CNTNAP2: variants seen among roughly 807,000 people sequenced by gnomAD.
The protein encoded by CNTNAP2 is contactin-associated protein-like 2.
CNTNAP2 carries 98 observed loss-of-function variants against 155.2 expected under a neutral mutation model. The observed-to-expected ratio is 0.63, with a 90% CI of 0.54 to 0.75. The LOEUF (loss-of-function observed/expected upper bound fraction) is 0.75, where lower values mean the gene tolerates loss of function less well. Ranked by LOEUF, CNTNAP2 falls within the 30% of genes least tolerant of loss-of-function variation. CNTNAP2 has a pLI of 0.00. For synonymous variants in CNTNAP2, 651 were observed against 631.2 expected (o/e 1.03, Z -0.47); for missense variants, 1,727 against 1,688.1 (o/e 1.02, Z -0.40).
intron 13 of CNTNAP2, among the ~76,000 whole-genome samples, chr7:147,714,988 C>T (rs143085178): frequency 0.017 from 2,517 of 152,142 alleles, 223 homozygotes; most frequent in Admixed American, 0.15. Context: ...TTGAGGTTCA[C>T]GCAAGATGTT....
chr7:147,048,332 G>C (rs1003187163), intron 4 of CNTNAP2, among the ~76,000 whole-genome samples: 1 of 151,914 alleles, frequency 6.6e-6, no homozygotes, highest in South Asian at 2.1e-4. Flanking sequence ...GTGATATGGC[G>C]ATAAGCCAAG....
chr7:146,388,132 T>C (rs1795487035), intron 1 of CNTNAP2, among the ~76,000 whole-genome samples: 1 of 151,806 alleles, frequency 6.6e-6, no homozygotes, highest in African/African-American at 2.4e-5. Context: ...ATATTTTTTC[T>C]TCTCGGGAAT....
chr7:147,912,628 A>G (rs1800086514), intron 14 of CNTNAP2, among the ~76,000 whole-genome samples: 3 of 152,214 alleles, frequency 2.0e-5, no homozygotes, highest in African/African-American at 7.2e-5. Flanking sequence ...AAATCCAGGC[A>G]GGAGCCCAGC....
intron 8 of CNTNAP2, among the ~76,000 whole-genome samples, chr7:147,194,271 T>C (rs1802739030): frequency 6.6e-6 from 1 of 152,200 alleles, no homozygotes; most frequent in Non-Finnish European, 1.5e-5. Flanking sequence ...TCATTCCTTT[T>C]TATGGCCGCC....
intron 8 of CNTNAP2, among the ~76,000 whole-genome samples, chr7:147,268,018 C>T (rs372943618): frequency 6.6e-6 from 1 of 152,130 alleles, no homozygotes; most frequent in East Asian, 1.9e-4. Context: ...TTTCACTTTT[C>T]CCTGAAATCT....
chr7:148,030,386 T>C (rs1802454719), intron 15 of CNTNAP2, among the ~76,000 whole-genome samples: 1 of 152,240 alleles, frequency 6.6e-6, no homozygotes. Flanking sequence ...TATGCCATTA[T>C]ATTTTTTCTT....
intron 1 of CNTNAP2, among the ~76,000 whole-genome samples, chr7:146,391,204 C>T (rs185566776): frequency 2.0e-5 from 3 of 150,578 alleles, no homozygotes; most frequent in East Asian, 3.9e-4. Flanking sequence ...AAATGTGATG[C>T]CTGCTTCTTG....
intron 8 of CNTNAP2, among the ~76,000 whole-genome samples, chr7:147,228,744 T>C (rs1391014529): frequency 6.6e-6 from 1 of 152,066 alleles, no homozygotes; most frequent in Non-Finnish European, 1.5e-5. Flanking sequence ...GCCATGGTGG[T>C]TTGCTGCACC....
intron 18 of CNTNAP2, among the ~76,000 whole-genome samples, chr7:148,204,738 C>T (rs1036705205): frequency 1.3e-5 from 2 of 152,174 alleles, no homozygotes; most frequent in African/African-American, 4.8e-5. Context: ...AAGCAAATCG[C>T]TTTGTGGGTT....
chr7:148,404,170 G>A (rs1264628691), intron 22 of CNTNAP2, among the ~76,000 whole-genome samples: 1 of 152,212 alleles, frequency 6.6e-6, no homozygotes, highest in Non-Finnish European at 1.5e-5. Context: ...AATTATGCCA[G>A]CCAATGAACA....
At chr7:146,607,877 G>A (rs566017733) in intron 1 of CNTNAP2, among the ~76,000 whole-genome samples, 1 of 152,122 alleles carries the variant, frequency 6.6e-6, no homozygotes, top group East Asian at 1.9e-4. Flanking sequence ...AAAATCTTCT[G>A]AATTTACATA....
intron 3 of CNTNAP2, among the ~76,000 whole-genome samples, chr7:146,929,334 G>A (rs1563006502): frequency 6.6e-6 from 1 of 152,300 alleles, no homozygotes; most frequent in East Asian, 1.9e-4. Flanking sequence ...AACAGGGTCT[G>A]GAGTGGACCT....
intron 15 of CNTNAP2, among the ~76,000 whole-genome samples, chr7:148,098,804 G>A (rs943769982): frequency 6.6e-6 from 1 of 152,168 alleles, no homozygotes; most frequent in Non-Finnish European, 1.5e-5. Flanking sequence ...GGCTGAGGGT[G>A]ACCTTAGATC....
At chr7:146,680,216 A>T (rs548735094) in intron 1 of CNTNAP2, among the ~76,000 whole-genome samples, 2 of 152,194 alleles carry the variant, frequency 1.3e-5, no homozygotes, top group African/African-American at 2.4e-5. Context: ...TTTGTGAGCA[A>T]TAGAATCAAG....
intron 2 of CNTNAP2, among the ~76,000 whole-genome samples, chr7:146,803,626 C>T (rs73459315): frequency 1.2e-3 from 177 of 152,216 alleles, no homozygotes; most frequent in African/African-American, 4.1e-3. Flanking sequence ...AGGAATTAGT[C>T]TAGCAGGAGC....
chr7:148,363,105 C>T (rs1177040738), intron 21 of CNTNAP2, among the ~76,000 whole-genome samples: 1 of 152,178 alleles, frequency 6.6e-6, no homozygotes, highest in Non-Finnish European at 1.5e-5. Context: ...CCTCAGCCTC[C>T]CGAGTAGCTG....
Position 147,371,225 on chromosome 7 carries a change from C to G in CNTNAP2, c.1499-24384C>G, listed in dbSNP as rs907009828. Reference sequence around the variant, plus strand: ...AAAATTCACGACCATATATATCATACGGATTTGGAATTAGCTGAGTGATCT... The same window carrying G: ...AAAATTCACGACCATATATATCATAGGGATTTGGAATTAGCTGAGTGATCT... On this transcript the variant is annotated intron_variant, in intron 9 of 23. Transcript: ENST00000361727. Among the ~76,000 whole-genome samples the G allele has an allele frequency of 5.9e-5, 9 of 152,118 alleles. No homozygotes were observed. In the South Asian group the frequency reaches 1.9e-3, roughly 32 times the overall value.
chr7:147,866,288 CTG>C (rs1799225376), intron 13 of CNTNAP2, among the ~76,000 whole-genome samples: 1 of 151,712 alleles, frequency 6.6e-6, no homozygotes, highest in South Asian at 2.1e-4. Context: ...GTCTGAGAGA[CTG>C]TTGTCATTTC....
At chr7:147,934,369 C>G (rs919387612) in intron 14 of CNTNAP2, among the ~76,000 whole-genome samples, 2 of 152,136 alleles carry the variant, frequency 1.3e-5, no homozygotes, top group Non-Finnish European at 2.9e-5. Flanking sequence ...TGGATGGCAG[C>G]AGGCAAAGAG....
Sources: gnomAD v4.1 joint callset for allele counts (sites outside exome capture counted in the v4.1 genomes callset) on GRCh38, gnomAD v4.1.1 for gene constraint, MANE v1.5 for transcripts, NCBI Gene and HGNC (gene_info 2026-07-23, HGNC 2026-07-21) for gene names.